PAQR5: variants seen among roughly 807,000 people sequenced by gnomAD.
PAQR5 encodes the protein progestin and adipoQ receptor family member 5.
Under a neutral mutation model 34.5 loss-of-function variants are expected in PAQR5, and 20 were observed. The ratio of observed to expected loss-of-function variants is 0.58; its 90% CI spans 0.41 to 0.84. PAQR5 has a LOEUF of 0.84. Among genes scored for constraint, PAQR5 ranks in the 40% least tolerant of loss-of-function variants. The probability of loss-of-function intolerance (pLI) is 0.00; values close to 1 mark genes in which losing one functional copy is unlikely to be tolerated. For synonymous variants in PAQR5, 131 were observed against 155.6 expected, an observed-to-expected ratio of 0.84 and a Z score of 1.18; for missense variants, 378 against 412.7, an observed-to-expected ratio of 0.92 and a Z score of 0.73.
chr15:69,325,733 A>C (rs1325538162), intron 1 of PAQR5, among the ~76,000 whole-genome samples: 1 of 151,968 alleles, frequency 6.6e-6, no homozygotes, highest in Admixed American at 6.6e-5. Flanking sequence ...GCTGCCTCTC[A>C]CCTGGCTGGT....
chr15:69,379,581 G>A (rs948273516), intron 3 of PAQR5: 25 of 985,244 alleles, frequency 2.5e-5, no homozygotes, highest in South Asian at 9.4e-5. Flanking sequence ...GTGAGAAAAC[G>A]GATTCTTAGG....
At chr15:69,330,427 G>A (rs1023160075) in intron 1 of PAQR5, among the ~76,000 whole-genome samples, 1 of 152,168 alleles carries the variant, frequency 6.6e-6, no homozygotes, top group Admixed American at 6.5e-5. Flanking sequence ...CACAGAATTA[G>A]AAATTATGGT....
rs150255038 is a variant in PAQR5 at position 69,385,855 on chromosome 15, GCA to G, written c.385+985_385+986del. Among the ~76,000 whole-genome samples the G allele has an allele frequency of 1.1e-3, 159 of 149,562 alleles. No homozygotes were observed. In the East Asian group the frequency reaches 0.012, roughly 11 times the overall value. On this transcript the variant is annotated intron_variant, in intron 5 of 8. Coordinates refer to ENST00000395407, the MANE Select transcript of PAQR5 (RefSeq NM_017705.4). The surrounding 1 kb of genome is among the most constrained non-coding windows in gnomAD (Gnocchi z 4.7). ...CCACATATACACAATACACTTACATGCACACACACACACCACATGCCACATGT... is the reference window on the plus strand; with the variant it reads ...CCACATATACACAATACACTTACATGCACACACACACCACATGCCACATGT...
At position 69,403,463 on chromosome 15, in the gene PAQR5, T is replaced by G. The variant is rs2056697336; in HGVS notation, c.752-118T>G. ...CATATTCTGGAGATTTTATATAATA[T>G]GTGGTCTCCTGTCTGGTTTCTTTCA... is the stretch of plus-strand genomic sequence containing the variant. On this transcript the variant is annotated intron_variant, in intron 8 of 8. Coordinates refer to ENST00000395407, the MANE Select transcript of PAQR5 (RefSeq NM_017705.4). The G allele has an allele frequency of 1.7e-5, 15 of 859,338 alleles. No individual in the cohort carries two copies. In the East Asian group the frequency reaches 4.0e-4, roughly 23 times the overall value. The allele number at this position is 859,338 out of a possible 1,614,324, so 53.2% of individuals were successfully genotyped here.
At chr15:69,366,027 T>C (rs2055392951) in intron 3 of PAQR5, among the ~76,000 whole-genome samples, 2 of 152,238 alleles carry the variant, frequency 1.3e-5, no homozygotes, top group African/African-American at 4.8e-5. Context: ...GAACACAGAG[T>C]ATATTGCACA....
chr15:69,325,612 AAT>A (rs1436434168), intron 1 of PAQR5, among the ~76,000 whole-genome samples: 3 of 152,116 alleles, frequency 2.0e-5, no homozygotes, highest in Non-Finnish European at 4.4e-5. Context: ...TGAATGAATG[AAT>A]GAATGAATGA....
chr15:69,397,342 A>G (rs1567042711), intron 6 of PAQR5, 126 bp from the exon 7 acceptor site: 4 of 750,016 alleles, frequency 5.3e-6, no homozygotes, highest in Non-Finnish European at 9.8e-6. Context: ...TGCTGGCCAC[A>G]GGAGCTTGTA....
At chr15:69,341,903 G>A (rs1182528113) in intron 2 of PAQR5, among the ~76,000 whole-genome samples, 1 of 147,770 alleles carries the variant, frequency 6.8e-6, no homozygotes, top group East Asian at 2.0e-4. Context: ...ACTCCAGCCT[G>A]GACAACAGAG....
At chr15:69,316,436 T>C (rs1348209344) in intron 1 of PAQR5, among the ~76,000 whole-genome samples, 1 of 152,230 alleles carries the variant, frequency 6.6e-6, no homozygotes, top group Non-Finnish European at 1.5e-5. Flanking sequence ...AAGCCTGTGC[T>C]TAATAATGCT....
intron 3 of PAQR5, among the ~76,000 whole-genome samples, chr15:69,372,960 T>C (rs184833851): frequency 6.6e-6 from 1 of 152,268 alleles, no homozygotes; most frequent in African/African-American, 2.4e-5. Context: ...CTGACATGGG[T>C]CTCACTGGGT....
chr15:69,364,826 C>A (rs2055352658), intron 3 of PAQR5, among the ~76,000 whole-genome samples: 1 of 151,378 alleles, frequency 6.6e-6, no homozygotes, highest in Admixed American at 6.6e-5. Context: ...GCAACCTCCG[C>A]CTCCCAGGTT....
chr15:69,340,625 G>A (rs1330402996), intron 2 of PAQR5, among the ~76,000 whole-genome samples: 5 of 152,180 alleles, frequency 3.3e-5, no homozygotes, highest in East Asian at 3.8e-4. Context: ...TGAGTTGGCC[G>A]TTTTCTTCCC....
rs144100765 is a variant in PAQR5 at position 69,344,038 on chromosome 15, T to A, written c.-116+6537T>A. Among the ~76,000 whole-genome samples the A allele has an allele frequency of 3.9e-3, 590 of 152,232 alleles. 2 individuals are homozygous for A. Among genetic ancestry groups the A allele is most frequent in the African/African-American group, 0.013 (548 of 41,546 alleles). On this transcript the variant is annotated intron_variant, in intron 2 of 8. Coordinates refer to ENST00000395407, the MANE Select transcript of PAQR5 (RefSeq NM_017705.4). ...TGGTAGAGATGGGGTTTCACCAAGT[T>A]GCCCAGGCTGGTTTTGAACTCCCGG...
intron 6 of PAQR5, among the ~76,000 whole-genome samples, chr15:69,395,491 T>C (rs554393869): frequency 2.6e-5 from 4 of 152,322 alleles, no homozygotes; most frequent in East Asian, 3.9e-4. Context: ...CCACGATGCA[T>C]GTGTTTTTAA....
chr15:69,307,031 G>T (rs1055226735), intron 1 of PAQR5, among the ~76,000 whole-genome samples: 2 of 151,892 alleles, frequency 1.3e-5, no homozygotes, highest in Non-Finnish European at 2.9e-5. Flanking sequence ...TTTCATCCAT[G>T]TTGTGGCATG....
chr15:69,302,236 C>G (rs1332820253), intron 1 of PAQR5, among the ~76,000 whole-genome samples: 2 of 152,230 alleles, frequency 1.3e-5, no homozygotes, highest in East Asian at 3.9e-4. Context: ...CCGTGCCCAG[C>G]TAATTTTTGT....
chr15:69,325,482 G>C (rs1672745523), intron 1 of PAQR5, among the ~76,000 whole-genome samples: 1 of 152,200 alleles, frequency 6.6e-6, no homozygotes, highest in African/African-American at 2.4e-5. Context: ...ATCTACACTA[G>C]AATGTGAGCT....
At chr15:69,347,018 C>T (rs2054792821) in intron 2 of PAQR5, among the ~76,000 whole-genome samples, 1 of 152,062 alleles carries the variant, frequency 6.6e-6, no homozygotes, top group Non-Finnish European at 1.5e-5. Context: ...GATGAGGTTT[C>T]ACCACGTTGG....
chr15:69,389,781 G>A lies in PAQR5; in HGVS notation c.512+1G>A. The A allele has an allele frequency of 6.2e-7, 1 of 1,613,720 alleles. No individual in the cohort carries two copies. The highest frequency in any genetic ancestry group is 1.1e-5 in the South Asian group (1 of 91,070). On this transcript the variant is annotated splice_donor_variant, in intron 6 of 8. Transcript: ENST00000395407. LOFTEE classifies it high-confidence loss of function. The stretch of plus-strand genomic sequence containing the variant: ...GCACAGGCCTCTCCTGCTACTCCAG[G>A]TACTGGTCGCTCTGACCTCAGATGG...
Sources: allele counts gnomAD v4.1 joint callset (sites outside exome capture counted in the v4.1 genomes callset), GRCh38; gene constraint gnomAD v4.1.1; non-coding constraint Gnocchi (gnomAD v3.1); transcripts MANE v1.5; gene names NCBI Gene and HGNC (gene_info 2026-07-23, HGNC 2026-07-21).